Variants in NCAPG observed in about 807,000 individuals in gnomAD.
NCAPG encodes the protein non-SMC condensin I complex subunit G, also known as condensin complex subunit 3.
Under a neutral mutation model 113.1 loss-of-function variants are expected in NCAPG, and 69 were observed. The ratio of observed to expected loss-of-function variants is 0.61; its 90% CI spans 0.50 to 0.75. The LOEUF (loss-of-function observed/expected upper bound fraction) is 0.75. Among genes scored for constraint, NCAPG ranks in the 30% least tolerant of loss-of-function variants. The probability of loss-of-function intolerance (pLI) is 0.00; values close to 1 mark genes in which losing one functional copy is unlikely to be tolerated. For synonymous variants in NCAPG, 370 were observed against 415.8 expected (o/e 0.89, Z 1.34); for missense variants, 1,058 against 1,177.0 (o/e 0.90, Z 1.48).
chr4:17,820,793 A>G (rs1169123239), intron 7 of NCAPG, among the ~76,000 whole-genome samples: 2 of 152,188 alleles, frequency 1.3e-5, no homozygotes, highest in Non-Finnish European at 2.9e-5. Context: ...GGCATACTGT[A>G]TATTTTAGGC....
At chr4:17,815,614 T>C (rs912820338) in intron 5 of NCAPG, among the ~76,000 whole-genome samples, 2 of 152,194 alleles carry the variant, frequency 1.3e-5, no homozygotes, top group African/African-American at 2.4e-5. Flanking sequence ...AACCTCTGCC[T>C]TCTAGTTTCA....
chr4:17,823,048 T>C lies in NCAPG; in HGVS notation c.1184T>C (p.Leu395Ser), dbSNP rs777104079. The part of the protein sequence containing the change: ...HRGDFSYIGN[L>S]MTKEFIGQQL... Reference sequence around the variant, plus strand: ...GGTGATTTTTCCTATATTGGAAATTTGATGACAAAAGAATTCATAGGTCAA... The same window carrying C: ...GGTGATTTTTCCTATATTGGAAATTCGATGACAAAAGAATTCATAGGTCAA... The change falls in exon 8 of 21, where the codon TTG (leucine) becomes TCG (serine). Residue 395 changes from leucine (L) to serine (S), a missense_variant. Leu to Ser is a moderately radical substitution (Grantham distance 145, BLOSUM62 -2). Transcript: ENST00000251496. The C allele has an allele frequency of 6.2e-7, 1 of 1,610,168 alleles. No individual in the cohort carries two copies. The highest frequency in any genetic ancestry group is 1.1e-5 in the South Asian group (1 of 90,390).
intron 10 of NCAPG, 44 bp downstream of exon 10, chr4:17,825,101 C>A: frequency 7.1e-7 from 1 of 1,399,416 alleles, no homozygotes; most frequent in Non-Finnish European, 1.0e-6. Context: ...TGTAATGTAG[C>A]TGGGCAAGTC....
rs1301580741 is a variant in NCAPG, at chr4:17,812,270, A to G, written c.161A>G (p.Tyr54Cys). 1 of 1,613,668 alleles carries G rather than the reference A, an allele frequency of 6.2e-7. No homozygotes were observed. The highest frequency in any genetic ancestry group is 1.7e-5 in the Admixed American group (1 of 59,982). Residue 54 changes from tyrosine (Y) to cysteine (C), a missense_variant, in exon 2 of 21, where the codon TAT (tyrosine) becomes TGT (cysteine). Transcript: ENST00000251496. ...FHEEFIHYLK[Y>C]VMVVYKREPA... ...GAGGAGTTCATTCATTACCTTAAAT[A>G]TGTTATGGTGGTCTATAAACGTGAA...
chr4:17,813,951 C>A (rs1217465907), intron 3 of NCAPG, among the ~76,000 whole-genome samples: 1 of 151,812 alleles, frequency 6.6e-6, no homozygotes, highest in African/African-American at 2.4e-5. Context: ...TTAAAAGATA[C>A]CCATAATAAT....
intron 16 of NCAPG, among the ~76,000 whole-genome samples, chr4:17,839,021 GA>G (rs1334188015): frequency 6.6e-6 from 1 of 152,198 alleles, no homozygotes; most frequent in African/African-American, 2.4e-5. Context: ...GAATCTAAAA[GA>G]AAGAGCTTGA....
At chr4:17,842,498 T>C in intron 20 of NCAPG, 119 bp downstream of exon 20, 1 of 776,070 alleles carries the variant, frequency 1.3e-6, no homozygotes, top group Non-Finnish European at 2.2e-6. Flanking sequence ...GTGAAAACTA[T>C]AAATAGCTGT....
chr4:17,818,950 A>C (rs1308920819), intron 7 of NCAPG, among the ~76,000 whole-genome samples: 1 of 152,240 alleles, frequency 6.6e-6, no homozygotes, highest in Non-Finnish European at 1.5e-5. Flanking sequence ...AATCCCATTG[A>C]TTAGCAACTA....
chr4:17,829,679 T>G (rs891823277), intron 12 of NCAPG, among the ~76,000 whole-genome samples: 4 of 152,262 alleles, frequency 2.6e-5, no homozygotes. Flanking sequence ...ATAAAAGTTA[T>G]ATTTTTATGA....
intron 14 of NCAPG, among the ~76,000 whole-genome samples, chr4:17,835,541 A>G (rs1490122399): frequency 2.0e-5 from 3 of 152,208 alleles, no homozygotes; most frequent in Non-Finnish European, 2.9e-5. Flanking sequence ...AGTACATTCA[A>G]AATGAAAGGC....
chr4:17,830,576 A>G (rs527704336), intron 12 of NCAPG, among the ~76,000 whole-genome samples: 1 of 136,402 alleles, frequency 7.3e-6, no homozygotes, highest in African/African-American at 2.9e-5. Context: ...TTTTACTTCA[A>G]TGTGGTGGCT....
intron 14 of NCAPG, among the ~76,000 whole-genome samples, chr4:17,835,729 G>T (rs956414438): frequency 6.6e-6 from 1 of 152,130 alleles, no homozygotes; most frequent in Non-Finnish European, 1.5e-5. Flanking sequence ...TACAGTATGT[G>T]ACCTCTGTTT....
chr4:17,842,346 G>A lies in NCAPG; in HGVS notation c.2891G>A (p.Arg964Lys). The change falls in exon 20 of 21, where the codon AGG becomes AAG. Residue 964 changes from arginine (R) to lysine (K), a missense_variant. Transcript: ENST00000251496. The part of the protein sequence containing the change: ...RKVTVSARTN[R>K]RCQTAEADSE... Reference sequence around the variant, plus strand: ...GTGACAGTTTCAGCTAGGACGAACAGGAGGTGTCAGACTGCTGAAGCCGAC... The same window carrying A: ...GTGACAGTTTCAGCTAGGACGAACAAGAGGTGTCAGACTGCTGAAGCCGAC... 6 of 1,612,280 alleles carry A rather than the reference G, an allele frequency of 3.7e-6. No homozygotes were observed. The highest frequency in any genetic ancestry group is 5.1e-6 in the Non-Finnish European group (6 of 1,178,584).
intron 4 of NCAPG, 97 bp downstream of exon 4, chr4:17,815,095 C>T (rs1312586033): frequency 1.7e-5 from 25 of 1,502,202 alleles, no homozygotes; most frequent in Non-Finnish European, 2.3e-5. Flanking sequence ...GTAATAATTT[C>T]TTCAGTTGAG....
In NCAPG at chr4:17,840,140, GA is replaced by G; in HGVS notation, c.2700del (p.Glu900AspfsTer14). The G allele has an allele frequency of 6.2e-7, 1 of 1,611,978 alleles. No homozygotes were observed. The highest frequency in any genetic ancestry group is 8.5e-7 in the Non-Finnish European group (1 of 1,179,028). ...IKIQLEKGNK[E>X]FGDQAEAAQD... Reference sequence around the variant, plus strand: ...GATTCAGTTAGAAAAAGGAAATAAAGAATTTGGTGACCAAGCTGAAGCAGCA... The same window carrying G: ...GATTCAGTTAGAAAAAGGAAATAAAGATTTGGTGACCAAGCTGAAGCAGCA... On this transcript the variant is annotated frameshift_variant, in exon 18 of 21. Coordinates refer to ENST00000251496, the MANE Select transcript of NCAPG (RefSeq NM_022346.5). LOFTEE classifies it high-confidence loss of function.
intron 9 of NCAPG, among the ~76,000 whole-genome samples, chr4:17,824,632 G>A (rs1721585484): frequency 6.6e-6 from 1 of 152,014 alleles, no homozygotes; most frequent in Non-Finnish European, 1.5e-5. Context: ...ACAAGAGAAG[G>A]GTTGAGGATT....
rs1285443366 is a variant in NCAPG, at chr4:17,823,105, C to T, written c.1241C>T (p.Thr414Ile). Residue 414 changes from threonine (T) to isoleucine (I), a missense_variant, in exon 8 of 21, where the codon ACC (threonine) becomes ATC (isoleucine). Transcript: ENST00000251496. ...ATTCTAATTATTAAGTCTTTGGATACCAGTGAAGAAGGAGGAAGGTATGTC... is the reference window on the plus strand; with the variant it reads ...ATTCTAATTATTAAGTCTTTGGATATCAGTGAAGAAGGAGGAAGGTATGTC... ...QLILIIKSLD[T>I]SEEGGRKKLL... 2 of 1,607,300 alleles carry T rather than the reference C, an allele frequency of 1.2e-6. No homozygotes were observed. The highest frequency in any genetic ancestry group is 1.7e-6 in the Non-Finnish European group (2 of 1,177,700).
intron 13 of NCAPG, 27 bp from the exon 14 acceptor site, chr4:17,834,272 T>G (rs749395838): frequency 2.8e-6 from 4 of 1,441,198 alleles, no homozygotes; most frequent in Non-Finnish European, 3.7e-6. Context: ...GAATTTACTT[T>G]TTTTGGTGGG....
intron 13 of NCAPG, among the ~76,000 whole-genome samples, chr4:17,834,030 T>A (rs1206889577): frequency 6.6e-6 from 1 of 152,190 alleles, no homozygotes; most frequent in African/African-American, 2.4e-5. Context: ...TCAGCCTGAC[T>A]CCAACTCCAG....
Sources: gnomAD v4.1 joint callset for allele counts (sites outside exome capture counted in the v4.1 genomes callset) on GRCh38, gnomAD v4.1.1 for gene constraint, MANE v1.5 for transcripts, NCBI Gene and HGNC (gene_info 2026-07-23, HGNC 2026-07-21) for gene names.